Variants in SPAG16 observed in about 807,000 individuals in gnomAD.
SPAG16 encodes sperm-associated antigen 16 protein.
SPAG16 carries 86 observed loss-of-function variants against 80.4 expected under a neutral mutation model. The observed-to-expected ratio is 1.07, with a 90% CI of 0.90 to 1.28. SPAG16 has a LOEUF of 1.28. SPAG16 is among the 50% of genes most tolerant of loss of function. SPAG16 has a pLI of 0.00. For missense variants in SPAG16, 870 were observed against 765.3 expected (o/e 1.14, Z -1.61); for synonymous variants, 294 against 265.9 (o/e 1.11, Z -1.03).
At chr2:213,381,868 T>C (rs2067193333) in intron 9 of SPAG16, among the ~76,000 whole-genome samples, 1 of 152,198 alleles carries the variant, frequency 6.6e-6, no homozygotes, top group South Asian at 2.1e-4. Context: ...CGCTGTACCA[T>C]TTATGTTTTT....
intron 10 of SPAG16, among the ~76,000 whole-genome samples, chr2:213,741,243 A>G (rs1460220905): frequency 6.6e-6 from 1 of 152,236 alleles, no homozygotes; most frequent in Non-Finnish European, 1.5e-5. Flanking sequence ...AACATTTTCT[A>G]TGTATAAGTA....
chr2:214,254,315 A>G (rs62196789), intron 15 of SPAG16, among the ~76,000 whole-genome samples: 60,396 of 151,910 alleles, frequency 0.4, 14,668 homozygotes, highest in South Asian at 0.58. Flanking sequence ...AGAACTTCCA[A>G]TACTGTGTTG....
chr2:213,940,776 T>G (rs1036493205), intron 12 of SPAG16, among the ~76,000 whole-genome samples: 6 of 152,196 alleles, frequency 3.9e-5, no homozygotes, highest in South Asian at 4.1e-4. Flanking sequence ...TGTAAATCTC[T>G]TATACAAATA....
At chr2:213,376,752 T>A (rs907412218) in intron 9 of SPAG16, among the ~76,000 whole-genome samples, 2 of 152,182 alleles carry the variant, frequency 1.3e-5, no homozygotes, top group African/African-American at 4.8e-5. Flanking sequence ...TTAATTCTAT[T>A]TTCTATGCTA....
intron 15 of SPAG16, among the ~76,000 whole-genome samples, chr2:214,385,663 G>A (rs1357350185): frequency 6.6e-6 from 1 of 152,128 alleles, no homozygotes; most frequent in African/African-American, 2.4e-5. Context: ...GGCCCACATG[G>A]CGAAATCCCG....
At chr2:213,390,804 TTA>T (rs1338981187) in intron 9 of SPAG16, among the ~76,000 whole-genome samples, 2 of 151,906 alleles carry the variant, frequency 1.3e-5, no homozygotes, top group African/African-American at 4.8e-5. Flanking sequence ...TCATTTAATT[TTA>T]TGTTTATTAA....
intron 12 of SPAG16, among the ~76,000 whole-genome samples, chr2:213,934,853 C>T (rs1323954016): frequency 6.6e-6 from 1 of 152,120 alleles, no homozygotes; most frequent in African/African-American, 2.4e-5. Context: ...AAAGCCACCC[C>T]TGTTTTGTAA....
At chr2:213,415,020 G>A (rs911832201) in intron 9 of SPAG16, among the ~76,000 whole-genome samples, 3 of 152,174 alleles carry the variant, frequency 2.0e-5, no homozygotes, top group Non-Finnish European at 2.9e-5. Context: ...AACAATATGG[G>A]AAAACCGCCC....
chr2:214,388,275 G>T (rs1018814194), intron 15 of SPAG16, among the ~76,000 whole-genome samples: 2 of 151,000 alleles, frequency 1.3e-5, no homozygotes, highest in South Asian at 4.2e-4. Context: ...CCCTATTTAA[G>T]AAAAAAAAAT....
intron 9 of SPAG16, among the ~76,000 whole-genome samples, chr2:213,423,212 T>G (rs2069706020): frequency 6.6e-6 from 1 of 152,206 alleles, no homozygotes. Flanking sequence ...ATCTAAAACC[T>G]GAATGTTCAT....
intron 12 of SPAG16, among the ~76,000 whole-genome samples, chr2:213,932,068 G>A (rs548759590): frequency 2.0e-5 from 3 of 149,454 alleles, no homozygotes; most frequent in African/African-American, 2.5e-5. Flanking sequence ...GTTACTTAAG[G>A]CAAGAGATTA....
At position 213,490,060 on chromosome 2, in the gene SPAG16, T is replaced by G. The variant is rs772243061; in HGVS notation, c.1040T>G (p.Ile347Ser). 1.9e-5 allele frequency: 31 copies of G among 1,604,210 alleles called. 1 individual carries two copies. The South Asian group carries it at 3.2e-4, about 17-fold the overall frequency. Reference protein sequence around the residue: ...PAKFDYKLKNIFRLHELPVSC... With the variant: ...PAKFDYKLKNSFRLHELPVSC... ...AAATTTGACTACAAGCTGAAAAACA[T>G]TTTTAGACTCCATGAACTTCCAGTG... Residue 347 changes from isoleucine (I) to serine (S), a missense_variant, in exon 10 of 16, where the codon ATT (isoleucine) becomes AGT (serine). Transcript: ENST00000331683.
In SPAG16 at chr2:214,256,923, T is replaced by C. The variant is rs114849248; in HGVS notation, c.1720+107657T>C. On this transcript the variant is annotated intron_variant, in intron 15 of 15. Coordinates refer to ENST00000331683, the MANE Select transcript of SPAG16 (RefSeq NM_024532.5). ...AAAGTTTTTATTTTTTGCATTTCCA[T>C]ATAAATTTTAACATCTTGTCAATTT... Among the ~76,000 whole-genome samples the C allele has an allele frequency of 5.0e-3, 767 of 152,142 alleles. 5 individuals carry two copies. Among genetic ancestry groups the C allele is most frequent in the African/African-American group, 0.017 (726 of 41,556 alleles).
chr2:213,529,132 A>G (rs2075983353), intron 10 of SPAG16, among the ~76,000 whole-genome samples: 1 of 152,172 alleles, frequency 6.6e-6, no homozygotes, highest in African/African-American at 2.4e-5. Context: ...AGCAGTAGGG[A>G]TGACATAAAT....
rs765928542 is a variant in SPAG16 at position 214,410,261 on chromosome 2, C to A, written c.1842C>A (p.Asp614Glu). The change falls in exon 16 of 16, where the codon GAC (aspartate) becomes GAA (glutamate). Residue 614 changes from aspartate to glutamate, a missense_variant. Asp to Glu is a conservative substitution (Grantham distance 45). Coordinates refer to ENST00000331683, the MANE Select transcript of SPAG16 (RefSeq NM_024532.5). ...NEAHTVVFSHDGEILFSGGSD... is the reference protein window; with the variant it reads ...NEAHTVVFSHEGEILFSGGSD... ...CACACACGGTTGTGTTTTCTCACGA[C>A]GGGGAGATTCTCTTTTCTGGAGGCT... 4.3e-6 allele frequency: 7 copies of A among 1,610,808 alleles called. No homozygotes were observed. The highest frequency in any genetic ancestry group is 5.9e-6 in the Non-Finnish European group (7 of 1,177,308).
intron 10 of SPAG16, among the ~76,000 whole-genome samples, chr2:213,609,633 A>T (rs1030278534): frequency 3.9e-5 from 6 of 152,178 alleles, no homozygotes; most frequent in African/African-American, 1.2e-4. Flanking sequence ...GCTTTCTATT[A>T]TATAGGAGCT....
At chr2:213,331,430 C>T (rs1478973717) in intron 5 of SPAG16, among the ~76,000 whole-genome samples, 5 of 152,068 alleles carry the variant, frequency 3.3e-5, no homozygotes. Context: ...ACTGGAGCAC[C>T]CAGATATATA....
Position 213,871,867 on chromosome 2 carries a change from CACACACACACACAGAGAGAGAGAGAG to C in SPAG16, c.1214+9241_1214+9266del, listed in dbSNP as rs1366534409. ...ACACACACACACACACACACACACA[CACACACACACACAGAGAGAGAGAGAG>C]AGAGAGCAAACAGCAGTAAAAACAA... On this transcript the variant is annotated intron_variant, in intron 11 of 15. Coordinates refer to ENST00000331683, the MANE Select transcript of SPAG16 (RefSeq NM_024532.5). Among the ~76,000 whole-genome samples, 201 of 48,678 alleles carry C rather than the reference CACACACACACACAGAGAGAGAGAGAG, an allele frequency of 4.1e-3. No homozygotes were observed. In the South Asian group the frequency reaches 0.042, roughly 10 times the overall value. 31.9% of individuals were successfully genotyped at this position (48,678 alleles called of 152,430 possible).
intron 15 of SPAG16, among the ~76,000 whole-genome samples, chr2:214,364,797 G>A (rs543027902): frequency 3.9e-5 from 6 of 152,236 alleles, no homozygotes; most frequent in African/African-American, 7.2e-5. Flanking sequence ...AGATGATTGT[G>A]GGGTCTCCTG....
Sources: allele counts gnomAD v4.1 joint callset (sites outside exome capture counted in the v4.1 genomes callset), GRCh38; gene constraint gnomAD v4.1.1; transcripts MANE v1.5; gene names NCBI Gene and HGNC (gene_info 2026-07-23, HGNC 2026-07-21).